FGF14: variants seen among roughly 807,000 people sequenced by gnomAD.
FGF14 encodes fibroblast growth factor homologous factor 4.
In FGF14, 5 loss-of-function variants were observed where a neutral mutation model predicts 25.5. The observed-to-expected ratio is 0.20, with a 90% confidence interval of 0.10 to 0.41. The LOEUF is 0.41. Ranked by LOEUF, FGF14 falls within the 10% of genes least tolerant of loss-of-function variation. The probability of loss-of-function intolerance (pLI) is 1.00; values close to 1 mark genes in which losing one functional copy is unlikely to be tolerated. For synonymous variants in FGF14, 138 were observed against 118.3 expected (o/e 1.17, Z -1.08); for missense variants, 222 against 320.1 (o/e 0.69, Z 2.34).
chr13:101,886,875 T>C (rs1280278458), intron 1 of FGF14, among the ~76,000 whole-genome samples: 8 of 152,094 alleles, frequency 5.3e-5, no homozygotes, highest in Non-Finnish European at 2.9e-5. Flanking sequence ...CATTTAAAAA[T>C]GGACAAAGAT....
intron 3 of FGF14, among the ~76,000 whole-genome samples, chr13:101,766,820 G>A (rs1398913782): frequency 6.6e-6 from 1 of 152,154 alleles, no homozygotes; most frequent in African/African-American, 2.4e-5. Context: ...TGAAGGCAGA[G>A]GTAGAGATTA....
At chr13:102,395,532 C>G (rs906810392) in intron 1 of FGF14, 1 of 152,088 alleles carries the variant, frequency 6.6e-6, no homozygotes, top group African/African-American at 2.4e-5. Context: ...GAGCCACTAA[C>G]AGCTTTTTTC....
At chr13:102,268,908 A>G (rs1212989231) in intron 1 of FGF14, among the ~76,000 whole-genome samples, 1 of 152,224 alleles carries the variant, frequency 6.6e-6, no homozygotes, top group Non-Finnish European at 1.5e-5. Context: ...CAAGAAGATC[A>G]TTCAATAGGT....
intron 1 of FGF14, among the ~76,000 whole-genome samples, chr13:102,126,328 T>C (rs1306974949): frequency 6.6e-6 from 1 of 152,370 alleles, no homozygotes; most frequent in East Asian, 1.9e-4. Context: ...ATATGTGTCC[T>C]ATTGTGTCTG....
intron 1 of FGF14, among the ~76,000 whole-genome samples, chr13:102,054,993 T>C (rs957631261): frequency 6.6e-6 from 1 of 152,212 alleles, no homozygotes; most frequent in Non-Finnish European, 1.5e-5. Flanking sequence ...GGTATCCATG[T>C]CTCACATTCC....
intron 1 of FGF14, among the ~76,000 whole-genome samples, chr13:101,948,529 G>C (rs1293289027): frequency 6.6e-6 from 1 of 151,134 alleles, no homozygotes; most frequent in Admixed American, 6.6e-5. Context: ...GGGAAGAGCA[G>C]ACTTCTAGGC....
intron 1 of FGF14, among the ~76,000 whole-genome samples, chr13:102,328,883 G>A (rs1248652201): frequency 6.6e-6 from 1 of 152,112 alleles, no homozygotes; most frequent in Non-Finnish European, 1.5e-5. Context: ...AAATCCTGAA[G>A]CCCTACATGC....
chr13:101,898,483 A>G (rs2031062738), intron 1 of FGF14, among the ~76,000 whole-genome samples: 1 of 152,138 alleles, frequency 6.6e-6, no homozygotes, highest in Admixed American at 6.6e-5. Context: ...CTGAAAGATC[A>G]AATCAAATAA....
intron 1 of FGF14, among the ~76,000 whole-genome samples, chr13:102,151,341 C>G (rs1288807781): frequency 1.3e-5 from 2 of 152,066 alleles, no homozygotes; most frequent in African/African-American, 4.8e-5. Context: ...CCCAAAGTAC[C>G]CAAAGTAAGT....
At chr13:101,942,054 T>A (rs1053518954) in intron 1 of FGF14, among the ~76,000 whole-genome samples, 1 of 152,238 alleles carries the variant, frequency 6.6e-6, no homozygotes, top group Admixed American at 6.5e-5. Context: ...TGATCAATCA[T>A]TAATTGACTA....
At chr13:102,065,884 A>G (rs549055337) in intron 1 of FGF14, among the ~76,000 whole-genome samples, 1 of 152,252 alleles carries the variant, frequency 6.6e-6, no homozygotes, top group East Asian at 1.9e-4. Context: ...TTATCAAATA[A>G]CATAATGAAT....
At position 101,997,865 on chromosome 13, in the gene FGF14, T is replaced by C. The variant is rs557504848; in HGVS notation, c.209-122569A>G. 2.6e-5 allele frequency among the ~76,000 whole-genome samples: 4 copies of C among 152,346 alleles called. No individual in the cohort carries two copies. In the East Asian group the frequency reaches 7.7e-4, roughly 29 times the overall value. On this transcript the variant is annotated intron_variant, in intron 1 of 4. Coordinates refer to the FGF14 transcript ENST00000376131. ...GAAGTTTTCTTTCTTATCTTTAGTT[T>C]TTAAATTTTTTACATTAATTTAATT...
chr13:101,819,427 T>C (rs1306680591), intron 3 of FGF14, among the ~76,000 whole-genome samples: 2 of 152,174 alleles, frequency 1.3e-5, no homozygotes, highest in African/African-American at 2.4e-5. Flanking sequence ...TGCCCCAAAA[T>C]TGGGTTCACA....
chr13:101,773,689 A>G (rs1006710759), intron 3 of FGF14, among the ~76,000 whole-genome samples: 3 of 151,824 alleles, frequency 2.0e-5, no homozygotes, highest in Non-Finnish European at 4.4e-5. Context: ...CAGGACAGCT[A>G]GTTGCAGAAA....
At chr13:101,729,013 G>C (rs911979451) in intron 3 of FGF14, among the ~76,000 whole-genome samples, 6 of 152,080 alleles carry the variant, frequency 3.9e-5, no homozygotes, top group Non-Finnish European at 8.8e-5. Flanking sequence ...GCTTGATGTA[G>C]AGGAAGTAAT....
chr13:101,922,732 T>C (rs897438149), intron 1 of FGF14, among the ~76,000 whole-genome samples: 14 of 152,208 alleles, frequency 9.2e-5, no homozygotes, highest in African/African-American at 3.4e-4. Context: ...CCTATTGCAT[T>C]CTGAGTTCCA....
At chr13:101,729,527 G>A (rs1422556454) in intron 3 of FGF14, among the ~76,000 whole-genome samples, 3 of 152,074 alleles carry the variant, frequency 2.0e-5, no homozygotes, top group Non-Finnish European at 4.4e-5. Context: ...GTGTGTTCTT[G>A]GGGAAATTAC....
At chr13:102,401,650 C>T in exon 1 of FGF14, 1 of 1,614,064 alleles carries the variant, frequency 6.2e-7, no homozygotes. Context: ...GAAATCAGTT[C>T]TCCTGAAGAG....
At chr13:102,317,586 GT>G (rs1246020691) in intron 1 of FGF14, among the ~76,000 whole-genome samples, 2 of 151,638 alleles carry the variant, frequency 1.3e-5, no homozygotes, top group African/African-American at 2.4e-5. Flanking sequence ...TTAAACCTTT[GT>G]TTTTTTTCTA....
Sources: gnomAD v4.1 joint callset for allele counts (sites outside exome capture counted in the v4.1 genomes callset) on GRCh38, gnomAD v4.1.1 for gene constraint, MANE v1.5 for transcripts, NCBI Gene and HGNC (gene_info 2026-07-23, HGNC 2026-07-21) for gene names.